The following CTNNA3 variants were observed in gnomAD, a reference collection of about 807,000 sequenced individuals.
CTNNA3 encodes the protein catenin alpha 3.
In CTNNA3, 76 loss-of-function variants were observed where a neutral mutation model predicts 95.7. The observed-to-expected ratio is 0.79, with a 90% CI of 0.66 to 0.96. CTNNA3 has a LOEUF of 0.96. Among genes scored for constraint, CTNNA3 ranks in the 40% least tolerant of loss-of-function variants. The pLI, the probability that CTNNA3 is intolerant of heterozygous loss-of-function variation, is 0.00. For synonymous variants in CTNNA3, 431 were observed against 374.4 expected (o/e 1.15, Z -1.74); for missense variants, 1,191 against 1,089.8 (o/e 1.09, Z -1.31).
At chr10:67,434,973 A>C (rs1846249966) in intron 5 of CTNNA3, among the ~76,000 whole-genome samples, 2 of 152,050 alleles carry the variant, frequency 1.3e-5, no homozygotes, top group South Asian at 4.1e-4. Flanking sequence ...ATGTATATAC[A>C]GGTAGCCTCC....
chr10:67,442,655 T>C (rs1846566104), intron 5 of CTNNA3, among the ~76,000 whole-genome samples: 1 of 151,918 alleles, frequency 6.6e-6, no homozygotes, highest in East Asian at 1.9e-4. Context: ...TGATAAAGGG[T>C]CAATTCAGCA....
intron 7 of CTNNA3, among the ~76,000 whole-genome samples, chr10:66,996,593 G>A (rs751489272): frequency 7.5e-6 from 1 of 134,056 alleles, no homozygotes; most frequent in Non-Finnish European, 1.5e-5. Context: ...GGTTGCAGTG[G>A]GTCAAGATCG....
chr10:66,321,152 A>T (rs770588233), intron 12 of CTNNA3, among the ~76,000 whole-genome samples: 74 of 152,174 alleles, frequency 4.9e-4, no homozygotes, highest in Non-Finnish European at 4.7e-4. Context: ...CTTCTACTCA[A>T]CTGATCAATG....
intron 7 of CTNNA3, among the ~76,000 whole-genome samples, chr10:66,853,251 A>G (rs10997414): frequency 0.58 from 88,374 of 151,606 alleles, 26,805 homozygotes; most frequent in African/African-American, 0.64. Flanking sequence ...AGCAGAGAGT[A>G]TATGGCTCAC....
chr10:66,358,728 T>C (rs1315303218), intron 12 of CTNNA3, among the ~76,000 whole-genome samples: 2 of 152,214 alleles, frequency 1.3e-5, no homozygotes, highest in African/African-American at 4.8e-5. Context: ...AAGTTCAGTA[T>C]AATTTTAGTT....
chr10:66,871,128 C>T (rs12260204), intron 7 of CTNNA3, among the ~76,000 whole-genome samples: 2 of 152,140 alleles, frequency 1.3e-5, no homozygotes, highest in Admixed American at 1.3e-4. Flanking sequence ...AGCTAAATTA[C>T]TTCTGTAAAA....
At chr10:66,571,203 T>C (rs1474028274) in intron 10 of CTNNA3, among the ~76,000 whole-genome samples, 1 of 152,326 alleles carries the variant, frequency 6.6e-6, no homozygotes, top group Non-Finnish European at 1.5e-5. Context: ...GCATTTGTTC[T>C]GGAACTTTCT....
chr10:67,102,854 G>A (rs1232357997), intron 7 of CTNNA3, among the ~76,000 whole-genome samples: 1 of 151,790 alleles, frequency 6.6e-6, no homozygotes, highest in Non-Finnish European at 1.5e-5. Flanking sequence ...GGAAATGACG[G>A]TCTGATTCCA....
chr10:66,328,911 CATATAT>C lies in CTNNA3; in HGVS notation c.1733-48296_1733-48291del, dbSNP rs1554935009. On this transcript the variant is annotated intron_variant, in intron 12 of 17. Transcript: ENST00000433211. ...ACACATACACACACACACATATATA[CATATAT>C]ATATATATATATATATACACACACA... 1.2e-3 allele frequency among the ~76,000 whole-genome samples: 108 copies of C among 86,470 alleles called. 8 individuals are homozygous for C. In the East Asian group the frequency reaches 0.028, roughly 22 times the overall value. 56.7% of individuals were successfully genotyped at this position (86,470 alleles called of 152,430 possible).
chr10:66,880,538 T>C (rs918527076), intron 7 of CTNNA3, among the ~76,000 whole-genome samples: 2 of 152,088 alleles, frequency 1.3e-5, no homozygotes, highest in African/African-American at 4.8e-5. Context: ...TCAGAATTTA[T>C]AGCTGTGCTC....
chr10:67,000,150 A>G (rs945001868), intron 7 of CTNNA3, among the ~76,000 whole-genome samples: 6 of 152,198 alleles, frequency 3.9e-5, no homozygotes, highest in African/African-American at 1.4e-4. Context: ...AGATGACTAG[A>G]TCTGGTTTCC....
Position 66,544,383 on chromosome 10 carries a change from T to G in CTNNA3, c.1375-23610A>C, listed in dbSNP as rs116584737. ...TTTCAGAGGGTTGGGAAAGGAAAAC[T>G]AATCATTGCAAGCAAACTTTAAGTT... On this transcript the variant is annotated intron_variant, in intron 10 of 17. Coordinates refer to ENST00000433211, the MANE Select transcript of CTNNA3 (RefSeq NM_013266.4). Among the ~76,000 whole-genome samples, 480 of 152,196 alleles carry G rather than the reference T, an allele frequency of 3.2e-3. 5 individuals carry two copies. Among genetic ancestry groups the G allele is most frequent in the African/African-American group, 0.011 (470 of 41,568 alleles).
At chr10:66,903,592 C>G (rs961742070) in intron 7 of CTNNA3, among the ~76,000 whole-genome samples, 2 of 152,160 alleles carry the variant, frequency 1.3e-5, no homozygotes, top group Non-Finnish European at 2.9e-5. Context: ...CAAATTGTCC[C>G]TGTTTGCAGA....
chr10:67,504,578 G>T (rs1040687809), intron 5 of CTNNA3, among the ~76,000 whole-genome samples: 22 of 151,740 alleles, frequency 1.4e-4, no homozygotes, highest in Non-Finnish European at 2.9e-4. Flanking sequence ...AAAATGCATA[G>T]TGACTGATAC....
At chr10:66,440,531 T>A (rs1022529476) in intron 11 of CTNNA3, among the ~76,000 whole-genome samples, 1 of 152,204 alleles carries the variant, frequency 6.6e-6, no homozygotes, top group African/African-American at 2.4e-5. Context: ...CAAATTTTCC[T>A]TAGGGCCTCA....
intron 13 of CTNNA3, among the ~76,000 whole-genome samples, chr10:66,187,857 T>C (rs943293854): frequency 6.6e-6 from 1 of 151,942 alleles, no homozygotes; most frequent in African/African-American, 2.4e-5. Context: ...TAAGGAATTA[T>C]GAGAAAAACA....
chr10:66,530,017 G>C (rs1841410909), intron 10 of CTNNA3, among the ~76,000 whole-genome samples: 1 of 152,140 alleles, frequency 6.6e-6, no homozygotes, highest in African/African-American at 2.4e-5. Flanking sequence ...TTGATTTAAT[G>C]CTGATGTATA....
intron 7 of CTNNA3, among the ~76,000 whole-genome samples, chr10:66,898,717 C>A (rs1845602107): frequency 6.6e-6 from 1 of 152,072 alleles, no homozygotes; most frequent in Non-Finnish European, 1.5e-5. Context: ...AAATAGATTA[C>A]AGATTTACAT....
At chr10:67,612,991 T>C (rs998090698) in intron 2 of CTNNA3, among the ~76,000 whole-genome samples, 2 of 152,158 alleles carry the variant, frequency 1.3e-5, no homozygotes, top group Admixed American at 1.3e-4. Context: ...AATGTAAATC[T>C]CTCATATTTG....
Sources: allele counts gnomAD v4.1 joint callset (sites outside exome capture counted in the v4.1 genomes callset), GRCh38; gene constraint gnomAD v4.1.1; transcripts MANE v1.5; gene names NCBI Gene and HGNC (gene_info 2026-07-23, HGNC 2026-07-21).